The following PHACTR3 variants were observed in gnomAD, a reference collection of about 807,000 sequenced individuals.
PHACTR3 encodes protein phosphatase 1, regulatory subunit 123.
A neutral mutation model predicts 66.8 loss-of-function variants in PHACTR3; 16 were observed. The observed-to-expected ratio is 0.24, with a 90% CI of 0.16 to 0.36. The LOEUF is 0.36. PHACTR3 is among the 10% of genes least tolerant of loss of function. The pLI, the probability that PHACTR3 is intolerant of heterozygous loss-of-function variation, is 1.00. For synonymous variants in PHACTR3, 323 were observed against 292.1 expected, an observed-to-expected ratio of 1.11 and a Z score of -1.08; for missense variants, 647 against 719.9, an observed-to-expected ratio of 0.90 and a Z score of 1.16.
chr20:59,700,597 G>A (rs541589080), intron 1 of PHACTR3, among the ~76,000 whole-genome samples: 13 of 152,202 alleles, frequency 8.5e-5, no homozygotes, highest in African/African-American at 3.1e-4. Flanking sequence ...ATCATTTTTG[G>A]TTTAGGTTCA....
chr20:59,784,312 G>A (rs560777718), intron 7 of PHACTR3, among the ~76,000 whole-genome samples: 1 of 132,620 alleles, frequency 7.5e-6, no homozygotes, highest in Non-Finnish European at 1.5e-5. Flanking sequence ...GTGTGTGTGT[G>A]GATGTATATA....
chr20:59,693,669 T>C (rs1454323283), intron 1 of PHACTR3, among the ~76,000 whole-genome samples: 1 of 152,198 alleles, frequency 6.6e-6, no homozygotes, highest in Non-Finnish European at 1.5e-5. Flanking sequence ...TGTTGACAAT[T>C]AGGCTGGACT....
chr20:59,664,463 C>T (rs567997809), intron 1 of PHACTR3, among the ~76,000 whole-genome samples: 5 of 152,274 alleles, frequency 3.3e-5, no homozygotes, highest in South Asian at 4.1e-4. Flanking sequence ...GGCTGCTTCT[C>T]GTAGCCGTTT....
chr20:59,730,033 C>T (rs1479028696), intron 1 of PHACTR3, among the ~76,000 whole-genome samples: 2 of 152,264 alleles, frequency 1.3e-5, no homozygotes, highest in East Asian at 1.9e-4. Flanking sequence ...GATGGACCTT[C>T]AGCCCATCTC....
chr20:59,787,723 A>G (rs1181358907), intron 7 of PHACTR3, among the ~76,000 whole-genome samples: 5 of 152,186 alleles, frequency 3.3e-5, no homozygotes, highest in Non-Finnish European at 5.9e-5. Context: ...GCCCTGGGCT[A>G]GAGCTCAGGC....
At chr20:59,586,507 T>A (rs73138896) in intron 1 of PHACTR3, among the ~76,000 whole-genome samples, 5,029 of 152,042 alleles carry the variant, frequency 0.033, 123 homozygotes, top group Middle Eastern at 0.078. Context: ...CCATGACAAA[T>A]CATGATAAAT....
intron 1 of PHACTR3, among the ~76,000 whole-genome samples, chr20:59,605,782 G>T (rs2033641739): frequency 6.7e-6 from 1 of 148,306 alleles, no homozygotes; most frequent in Non-Finnish European, 1.5e-5. Flanking sequence ...TGATAAACCG[G>T]TCACAAAGGC....
chr20:59,750,667 C>T (rs142717566), intron 3 of PHACTR3, among the ~76,000 whole-genome samples: 1,827 of 151,380 alleles, frequency 0.012, 21 homozygotes, highest in Non-Finnish European at 0.018. Flanking sequence ...CCTGGGGCGG[C>T]CACAGTGCGA....
rs571686387 is a variant in PHACTR3, at chr20:59,845,058, ATTGT to A, written c.1588-124_1588-121del. ...GGCAGTTTTAATGATGAACCAAAAAATTGTTTGTTTTTTTCTGTATATTACATAA... is the reference window on the plus strand; with the variant it reads ...GGCAGTTTTAATGATGAACCAAAAAATTGTTTTTTTCTGTATATTACATAA... On this transcript the variant is annotated intron_variant, in intron 11 of 12. Coordinates refer to ENST00000371015, the MANE Select transcript of PHACTR3 (RefSeq NM_080672.5). The A allele has an allele frequency of 5.3e-4, 303 of 572,140 alleles. 4 individuals carry two copies. The highest frequency in any genetic ancestry group is 2.6e-3 in the South Asian group (102 of 39,286). The allele number at this position is 572,140 out of a possible 1,614,324, so 35.4% of individuals were successfully genotyped here.
At chr20:59,823,163 A>T (rs970918454) in intron 8 of PHACTR3, among the ~76,000 whole-genome samples, 1 of 152,162 alleles carries the variant, frequency 6.6e-6, no homozygotes, top group African/African-American at 2.4e-5. Context: ...TGAAGAAGGG[A>T]CTTATATACA....
intron 1 of PHACTR3, among the ~76,000 whole-genome samples, chr20:59,724,631 AC>A (rs1248795101): frequency 6.6e-6 from 1 of 152,134 alleles, no homozygotes; most frequent in African/African-American, 2.4e-5. Flanking sequence ...CAGGGCCGTC[AC>A]CCAATGCTGT....
chr20:59,743,230 G>A lies in PHACTR3; in HGVS notation c.242G>A (p.Arg81Lys), dbSNP rs200336303. The change falls in exon 2 of 13, where the codon AGG becomes AAG. Residue 81 changes from arginine to lysine, a missense_variant. Arg to Lys is a conservative substitution (Grantham distance 26). This residue lies in a region of PHACTR3 where 577 missense variants were observed against 571.1 expected (regional missense o/e 1.01). Coordinates refer to ENST00000371015, the MANE Select transcript of PHACTR3 (RefSeq NM_080672.5). ...AGGATCTTCAAACCCTGGAAATGGAGGAAAAAGAAAAACGAAAAACTGAAG... is the reference window on the plus strand; with the variant it reads ...AGGATCTTCAAACCCTGGAAATGGAAGAAAAAGAAAAACGAAAAACTGAAG... The part of the protein sequence containing the change: ...LGRIFKPWKW[R>K]KKKNEKLKQT... 6.2e-7 allele frequency: 1 copy of A among 1,614,068 alleles called. No individual in the cohort carries two copies. Among genetic ancestry groups the A allele is most frequent in the African/African-American group, 1.3e-5 (1 of 75,038 alleles).
rs2040416548 is a variant in PHACTR3 at position 59,773,312 on chromosome 20, A to G, written c.785A>G (p.Lys262Arg). The G allele has an allele frequency of 6.2e-7, 1 of 1,614,080 alleles. No individual in the cohort carries two copies. Among genetic ancestry groups the G allele is most frequent in the African/African-American group, 1.3e-5 (1 of 75,050 alleles). Residue 262 changes from lysine to arginine, a missense_variant, in exon 6 of 13, where the codon AAG becomes AGG. Physicochemically the swap from Lys to Arg is conservative, Grantham distance 26 (BLOSUM62 2). Coordinates refer to ENST00000371015, the MANE Select transcript of PHACTR3 (RefSeq NM_080672.5). ...ACACTCTTCCAAGCCTCCAGCATGAAGAGTGCCGACCCTTCCCTCCGGGGC... is the reference window on the plus strand; with the variant it reads ...ACACTCTTCCAAGCCTCCAGCATGAGGAGTGCCGACCCTTCCCTCCGGGGC... ...QATLFQASSM[K>R]SADPSLRGQL...
intron 1 of PHACTR3, among the ~76,000 whole-genome samples, chr20:59,674,667 TCTC>T (rs1382988577): frequency 2.3e-4 from 25 of 110,316 alleles, no homozygotes; most frequent in African/African-American, 7.2e-4. Context: ...GTTCCCCACT[TCTC>T]CTCTTCCCAC....
At chr20:59,611,547 AGG>A (rs1491112967) in intron 1 of PHACTR3, among the ~76,000 whole-genome samples, 14 of 152,356 alleles carry the variant, frequency 9.2e-5, no homozygotes, top group African/African-American at 3.4e-4. Flanking sequence ...TTCAGGCACC[AGG>A]GCCATTCTCA....
Position 59,747,783 on chromosome 20 carries a change from G to T in PHACTR3, c.306G>T (p.Arg102Ser), listed in dbSNP as rs2031346030. The change falls in exon 3 of 13, where the codon AGG becomes AGT. Residue 102 changes from arginine (R) to serine (S), a missense_variant. By Grantham distance (110) the Arg-to-Ser change is moderately radical. Around this residue, in one of 2 missense-constraint regions of PHACTR3, gnomAD observed 577 missense variants for 571.1 expected, o/e 1.01. Transcript: ENST00000371015. ...CGCTGGAGAAGAAGATGGCCGGCAG[G>T]CAAGGCCGAGAGGAGCTCATCAAGA... ...TSALEKKMAG[R>S]QGREELIKKG... 1 of 1,614,048 alleles carries T rather than the reference G, an allele frequency of 6.2e-7. No homozygotes were observed. The highest frequency in any genetic ancestry group is 8.5e-7 in the Non-Finnish European group (1 of 1,179,960).
At chr20:59,709,629 A>G (rs551877046) in intron 1 of PHACTR3, among the ~76,000 whole-genome samples, 15 of 152,338 alleles carry the variant, frequency 9.8e-5, no homozygotes, top group African/African-American at 3.4e-4. Context: ...TAGGAAGGGC[A>G]ATTTGGTGAC....
upstream of PHACTR3, among the ~76,000 whole-genome samples, chr20:59,601,935 T>C (rs1787333015): frequency 6.6e-6 from 1 of 152,214 alleles, no homozygotes; most frequent in African/African-American, 2.4e-5. Flanking sequence ...TTTTTAACCC[T>C]CATCCATACA....
chr20:59,649,958 TA>T (rs1269310840), intron 1 of PHACTR3, among the ~76,000 whole-genome samples: 1 of 152,152 alleles, frequency 6.6e-6, no homozygotes, highest in East Asian at 1.9e-4. Flanking sequence ...GAAATAGATA[TA>T]AAGGGATTTG....
Sources: gnomAD v4.1 joint callset for allele counts (sites outside exome capture counted in the v4.1 genomes callset) on GRCh38, gnomAD v4.1.1 for gene constraint, gnomAD v4.1.1 regional missense constraint, MANE v1.5 for transcripts, NCBI Gene and HGNC (gene_info 2026-07-23, HGNC 2026-07-21) for gene names.